The following RPTOR variants were observed in gnomAD, a reference collection of about 807,000 sequenced individuals.
The protein encoded by RPTOR is regulatory associated protein of MTOR complex 1.
In RPTOR, 21 loss-of-function variants were observed where a neutral mutation model predicts 169.9. The observed-to-expected ratio is 0.12, with a 90% CI of 0.09 to 0.18. The LOEUF is 0.18. Among genes scored for constraint, RPTOR ranks in the 10% least tolerant of loss-of-function variants. The probability of loss-of-function intolerance (pLI) is 1.00; values close to 1 mark genes in which losing one functional copy is unlikely to be tolerated. For synonymous variants in RPTOR, 732 were observed against 753.2 expected (o/e 0.97, Z 0.46); for missense variants, 1,133 against 1,855.9 (o/e 0.61, Z 7.16).
intron 4 of RPTOR, among the ~76,000 whole-genome samples, chr17:80,712,037 C>T (rs1299891524): frequency 1.3e-5 from 2 of 152,030 alleles, no homozygotes; most frequent in African/African-American, 2.4e-5. Context: ...AGCCACCGTG[C>T]CCAGCAGTCT....
chr17:80,703,000 C>A (rs1598238716), intron 3 of RPTOR, among the ~76,000 whole-genome samples: 1 of 152,170 alleles, frequency 6.6e-6, no homozygotes, highest in Non-Finnish European at 1.5e-5. Flanking sequence ...AATCTCCCAG[C>A]GATCTGTGGG....
intron 2 of RPTOR, among the ~76,000 whole-genome samples, chr17:80,634,939 A>G (rs1189238203): frequency 6.6e-6 from 1 of 151,878 alleles, no homozygotes; most frequent in Non-Finnish European, 1.5e-5. Flanking sequence ...CCGCGTGTGC[A>G]TACTATGTGC....
At chr17:80,691,771 C>T (rs925695561) in intron 3 of RPTOR, among the ~76,000 whole-genome samples, 1 of 152,164 alleles carries the variant, frequency 6.6e-6, no homozygotes, top group Non-Finnish European at 1.5e-5. Flanking sequence ...GGCTCCAGGG[C>T]TGCTCATTGA....
rs560015024 is a variant in RPTOR, at chr17:80,965,813, G to A, written c.*1483G>A. On this transcript the variant is annotated 3_prime_UTR_variant, in exon 34 of 34. Transcript: ENST00000306801. ...GGACGTGACAAGGCAGGACAGAGGC[G>A]GCCCCTCCGCTGCTCCTTTTTGGAA... 17 of 233,346 alleles carry A rather than the reference G, an allele frequency of 7.3e-5. No homozygotes were observed. Among genetic ancestry groups the A allele is most frequent in the African/African-American group, 2.4e-4 (11 of 45,458 alleles). 14.5% of individuals were successfully genotyped at this position (233,346 alleles called of 1,614,324 possible).
intron 1 of RPTOR, among the ~76,000 whole-genome samples, chr17:80,608,607 G>T (rs1375692161): frequency 6.6e-6 from 1 of 152,200 alleles, no homozygotes; most frequent in Admixed American, 6.5e-5. Context: ...GGAAGTGTGT[G>T]GGGACGTGGC....
intron 13 of RPTOR, among the ~76,000 whole-genome samples, chr17:80,874,607 G>T (rs1473469830): frequency 6.6e-6 from 1 of 152,172 alleles, no homozygotes; most frequent in African/African-American, 2.4e-5. Context: ...GTCTTGCACT[G>T]CTCGGTGGAT....
At chr17:80,935,201 A>C (rs1166113339) in intron 24 of RPTOR, among the ~76,000 whole-genome samples, 2 of 152,226 alleles carry the variant, frequency 1.3e-5, no homozygotes, top group Admixed American at 6.5e-5. Context: ...ACACTGATGA[A>C]AGAAATGAAA....
At chr17:80,578,092 A>G (rs566632384) in intron 1 of RPTOR, among the ~76,000 whole-genome samples, 5 of 152,172 alleles carry the variant, frequency 3.3e-5, no homozygotes, top group African/African-American at 4.8e-5. Context: ...TGCACGTTAC[A>G]TTGGAATTTA....
At chr17:80,790,841 C>G (rs947313807) in intron 6 of RPTOR, among the ~76,000 whole-genome samples, 2 of 152,200 alleles carry the variant, frequency 1.3e-5, no homozygotes, top group Non-Finnish European at 2.9e-5. Context: ...TCTGCTGCCT[C>G]GATTCTGCCC....
At chr17:80,760,814 GT>G (rs2066730050) in intron 6 of RPTOR, among the ~76,000 whole-genome samples, 1 of 152,154 alleles carries the variant, frequency 6.6e-6, no homozygotes, top group African/African-American at 2.4e-5. Flanking sequence ...AAGAGAAACG[GT>G]TTCTAAGCAC....
In RPTOR at chr17:80,945,700, A is replaced by G; in HGVS notation, c.3059A>G (p.Asn1020Ser). 1 of 1,611,684 alleles carries G rather than the reference A, an allele frequency of 6.2e-7. No homozygotes were observed. Among genetic ancestry groups the G allele is most frequent in the Non-Finnish European group, 8.5e-7 (1 of 1,179,178 alleles). ...AGATTGGACGACCAAATATTTCTGA[A>G]CAGGAACCCCGGCGTCCCCTCTGTG... ...ITRLDDQIFL[N>S]RNPGVPSVVK... Residue 1020 changes from asparagine to serine, a missense_variant, in exon 26 of 34, where the codon AAC becomes AGC. Around this residue, in one of 9 missense-constraint regions of RPTOR, gnomAD observed 410 missense variants for 623.7 expected, o/e 0.66. Coordinates refer to ENST00000306801, the MANE Select transcript of RPTOR (RefSeq NM_020761.3).
At position 80,732,940 on chromosome 17, in the gene RPTOR, A is replaced by G. The variant is rs887976009; in HGVS notation, c.654+2234A>G. ...AACATGTGAGCTGAAAGAAATTGAC[A>G]GGTGAATGATTTGTTCCAGGGTTTA... On this transcript the variant is annotated intron_variant, in intron 5 of 33. Transcript: ENST00000306801. 1.3e-5 allele frequency among the ~76,000 whole-genome samples: 2 copies of G among 152,372 alleles called. 1 individual carries two copies. Among genetic ancestry groups the G allele is most frequent in the Admixed American group, 1.3e-4 (2 of 15,310 alleles).
intron 24 of RPTOR, among the ~76,000 whole-genome samples, chr17:80,930,362 ATCCTCAGC>A (rs1567993674): frequency 1.5e-5 from 1 of 65,614 alleles, no homozygotes; most frequent in African/African-American, 6.5e-5. Flanking sequence ...TCCCCAGCTC[ATCCTCAGC>A]TCATCCCCAG....
At chr17:80,921,661 C>G (rs1038093097) in intron 21 of RPTOR, among the ~76,000 whole-genome samples, 1 of 152,230 alleles carries the variant, frequency 6.6e-6, no homozygotes, top group African/African-American at 2.4e-5. Context: ...GGTAGAATTT[C>G]AAGCCCTGCA....
At chr17:80,634,123 T>C (rs948373126) in intron 2 of RPTOR, among the ~76,000 whole-genome samples, 1 of 150,466 alleles carries the variant, frequency 6.6e-6, no homozygotes. Flanking sequence ...GCATACTGTG[T>C]GTGTGTGTGC....
At chr17:80,793,663 C>G (rs966855250) in intron 7 of RPTOR, among the ~76,000 whole-genome samples, 1 of 152,054 alleles carries the variant, frequency 6.6e-6, no homozygotes, top group Non-Finnish European at 1.5e-5. Flanking sequence ...CAGAGCCCCC[C>G]GGTCACCTGT....
intron 9 of RPTOR, among the ~76,000 whole-genome samples, chr17:80,836,301 G>A (rs1445081790): frequency 6.6e-6 from 1 of 152,232 alleles, no homozygotes; most frequent in Non-Finnish European, 1.5e-5. Flanking sequence ...GGCTGCTCAT[G>A]CACAGAGGGT....
At chr17:80,833,156 T>C (rs2067525658) in intron 9 of RPTOR, among the ~76,000 whole-genome samples, 1 of 152,250 alleles carries the variant, frequency 6.6e-6, no homozygotes, top group African/African-American at 2.4e-5. Context: ...TGTGCGGACT[T>C]GGACTTGGAC....
At chr17:80,551,816 C>G (rs992738957) in intron 1 of RPTOR, among the ~76,000 whole-genome samples, 4 of 152,154 alleles carry the variant, frequency 2.6e-5, no homozygotes, top group Non-Finnish European at 4.4e-5. Flanking sequence ...ATATTTCAGA[C>G]TATCACATGG....
Sources: gnomAD v4.1 joint callset for allele counts (sites outside exome capture counted in the v4.1 genomes callset) on GRCh38, gnomAD v4.1.1 for gene constraint, gnomAD v4.1.1 regional missense constraint, MANE v1.5 for transcripts, NCBI Gene and HGNC (gene_info 2026-07-23, HGNC 2026-07-21) for gene names.